Variants in SCYL2 observed in about 807,000 individuals in gnomAD.
SCYL2 encodes SCY1-like protein 2.
A neutral mutation model predicts 100.4 loss-of-function variants in SCYL2; 36 were observed. The ratio of observed to expected loss-of-function variants is 0.36; its 90% CI spans 0.27 to 0.47. SCYL2 has a LOEUF of 0.47. Among genes scored for constraint, SCYL2 ranks in the 20% least tolerant of loss-of-function variants. The pLI is 1.00. For synonymous variants in SCYL2, 330 were observed against 359.2 expected (o/e 0.92, Z 0.92); for missense variants, 902 against 1,083.9 (o/e 0.83, Z 2.36).
intron 9 of SCYL2, among the ~76,000 whole-genome samples, chr12:100,316,884 T>G (rs1314846872): frequency 6.6e-6 from 1 of 152,148 alleles, no homozygotes; most frequent in Non-Finnish European, 1.5e-5. Context: ...GGCAGATTGC[T>G]TGAGCCCAGG....
intron 4 of SCYL2, among the ~76,000 whole-genome samples, chr12:100,308,886 G>C (rs2096338155): frequency 6.6e-6 from 1 of 152,136 alleles, no homozygotes; most frequent in Non-Finnish European, 1.5e-5. Context: ...GTAGCACTGA[G>C]ATCAATATAA....
chr12:100,334,793 CG>C (rs773422348), intron 14 of SCYL2, among the ~76,000 whole-genome samples: 4 of 152,006 alleles, frequency 2.6e-5, no homozygotes, highest in Non-Finnish European at 5.9e-5. Context: ...AGATGGAAAT[CG>C]TTGACTGTTG....
In SCYL2 at chr12:100,321,233, T is replaced by A. The variant is rs113048143; in HGVS notation, c.1396-2292T>A. Among the ~76,000 whole-genome samples, 1,184 of 152,378 alleles carry A rather than the reference T, an allele frequency of 7.8e-3. 16 individuals are homozygous for A. Among genetic ancestry groups the A allele is most frequent in the African/African-American group, 0.027 (1,134 of 41,592 alleles). ...AAATAAAATATATCCAGTGTTCTGA[T>A]AACAGATTCTTAGTAGTTAATTTAT... On this transcript the variant is annotated intron_variant, in intron 10 of 17. Coordinates refer to ENST00000360820, the MANE Select transcript of SCYL2 (RefSeq NM_017988.6).
Position 100,291,587 on chromosome 12 carries a change from C to G in SCYL2, c.262C>G (p.Arg88Gly). 6.3e-7 allele frequency: 1 copy of G among 1,598,698 alleles called. No homozygotes were observed. Among genetic ancestry groups the G allele is most frequent in the Non-Finnish European group, 8.5e-7 (1 of 1,174,960 alleles). Residue 88 changes from arginine (R) to glycine (G), a missense_variant, in exon 3 of 18, where the codon CGA becomes GGA. By Grantham distance (125) the Arg-to-Gly change is moderately radical. Transcript: ENST00000360820. ...EKDQIIDSLK[R>G]GVQQLTRLRH... ...GGATCAAATCATTGATTCTCTAAAA[C>G]GAGGAGTCCAACAGTTAACTCGGCT...
At chr12:100,310,205 G>GCTA in intron 4 of SCYL2, among the ~76,000 whole-genome samples, 1 of 152,252 alleles carries the variant, frequency 6.6e-6, no homozygotes, top group Non-Finnish European at 1.5e-5. Context: ...CCCCATGTTG[G>GCTA]CTAGGCTGGT....
intron 4 of SCYL2, among the ~76,000 whole-genome samples, chr12:100,304,654 T>G (rs1430042658): frequency 1.3e-5 from 2 of 152,082 alleles, no homozygotes; most frequent in Non-Finnish European, 2.9e-5. Flanking sequence ...CATAACAATA[T>G]TAACCTTAAA....
At chr12:100,317,782 T>A (rs1181067449) in intron 9 of SCYL2, 21 bp from the exon 10 acceptor site, 1 of 1,580,192 alleles carries the variant, frequency 6.3e-7, no homozygotes, top group Non-Finnish European at 8.5e-7. Context: ...TTTTAATACA[T>A]TGTTTCCGTT....
rs747299517 is a variant in SCYL2, at chr12:100,339,185, C to G, written c.*13C>G. Reference sequence around the variant, plus strand: ...TCTTTTTGGGTGAGGTGTCTTACTTCTATTTTGAAGGATTATTTCAGTTTC... The same window carrying G: ...TCTTTTTGGGTGAGGTGTCTTACTTGTATTTTGAAGGATTATTTCAGTTTC... On this transcript the variant is annotated 3_prime_UTR_variant, in exon 18 of 18. Transcript: ENST00000360820. The G allele has an allele frequency of 1.9e-6, 3 of 1,602,684 alleles. No individual in the cohort carries two copies. In the African/African-American group the frequency reaches 4.0e-5, roughly 22 times the overall value.
intron 1 of SCYL2, among the ~76,000 whole-genome samples, chr12:100,273,595 GATAGCATCTCAA>G (rs1275641021): frequency 1.3e-5 from 2 of 152,146 alleles, no homozygotes; most frequent in African/African-American, 2.4e-5. Flanking sequence ...CTGGATGATG[GATAGCATCTCAA>G]ATTTGAATAT....
chr12:100,294,972 C>T (rs1276765759), intron 3 of SCYL2, among the ~76,000 whole-genome samples: 3 of 151,674 alleles, frequency 2.0e-5, no homozygotes, highest in Non-Finnish European at 1.5e-5. Flanking sequence ...GGTCTCCTCA[C>T]TTCTCAGACG....
In SCYL2 at chr12:100,334,237, G is replaced by C; in HGVS notation, c.1833G>C (p.Glu611Asp). 1 of 1,600,424 alleles carries C rather than the reference G, an allele frequency of 6.2e-7. No homozygotes were observed. The highest frequency in any genetic ancestry group is 2.2e-5 in the East Asian group (1 of 44,704). ...AGTCTGAACATAAGACTAAACTGGAGCAACTTCATATAATGCAAGAACAGC... is the reference window on the plus strand; with the variant it reads ...AGTCTGAACATAAGACTAAACTGGACCAACTTCATATAATGCAAGAACAGC... The part of the protein sequence containing the change: ...RLESEHKTKL[E>D]QLHIMQEQQK... The change falls in exon 14 of 18, where the codon GAG becomes GAC. Residue 611 changes from glutamate to aspartate, a missense_variant. Physicochemically the swap from Glu to Asp is conservative, Grantham distance 45. Coordinates refer to ENST00000360820, the MANE Select transcript of SCYL2 (RefSeq NM_017988.6).
At chr12:100,270,446 T>G (rs1289567274) in intron 1 of SCYL2, among the ~76,000 whole-genome samples, 1 of 152,034 alleles carries the variant, frequency 6.6e-6, no homozygotes, top group African/African-American at 2.4e-5. Flanking sequence ...TAAAAAAAAA[T>G]TACAATAATT....
intron 1 of SCYL2, among the ~76,000 whole-genome samples, chr12:100,281,018 T>G (rs1004130613): frequency 1.3e-4 from 16 of 124,140 alleles, no homozygotes; most frequent in Admixed American, 1.1e-3. Context: ...TTACCATCAG[T>G]GTTTTTTTTT....
chr12:100,295,937 CTA>C (rs2096319829), intron 3 of SCYL2, among the ~76,000 whole-genome samples: 1 of 152,180 alleles, frequency 6.6e-6, no homozygotes, highest in Non-Finnish European at 1.5e-5. Context: ...TGCCCTGGCT[CTA>C]AGCCCAGCCC....
intron 1 of SCYL2, among the ~76,000 whole-genome samples, chr12:100,273,770 A>G (rs568634871): frequency 3.9e-4 from 59 of 152,148 alleles, no homozygotes; most frequent in Non-Finnish European, 7.5e-4. Flanking sequence ...CCATCTTAAT[A>G]TTTCCATAGC....
intron 3 of SCYL2, among the ~76,000 whole-genome samples, chr12:100,295,142 C>T (rs1473567405): frequency 1.3e-5 from 2 of 151,612 alleles, no homozygotes; most frequent in Non-Finnish European, 2.9e-5. Flanking sequence ...GATGGGATGG[C>T]GGCAGGGAAG....
rs755780268 is a variant in SCYL2, at chr12:100,334,263, A to G, written c.1859A>G (p.Gln620Arg). 2 of 1,537,302 alleles carry G rather than the reference A, an allele frequency of 1.3e-6. No individual in the cohort carries two copies. The change falls in exon 14 of 18, where the codon CAG (glutamine) becomes CGG (arginine). Residue 620 changes from glutamine (Q) to arginine (R), a missense_variant. Coordinates refer to ENST00000360820, the MANE Select transcript of SCYL2 (RefSeq NM_017988.6). The stretch of plus-strand genomic sequence containing the variant: ...CAACTTCATATAATGCAAGAACAGC[A>G]GAAGTAAGTAGGTTGCACATGAATT... ...LEQLHIMQEQ[Q>R]KSLDIGNQMN...
chr12:100,311,433 G>GTT, intron 5 of SCYL2, among the ~76,000 whole-genome samples: 1 of 147,138 alleles, frequency 6.8e-6, no homozygotes. Context: ...ATTAAATAGG[G>GTT]TTTTTTTTTT....
At chr12:100,270,461 G>A (rs1348312440) in intron 1 of SCYL2, among the ~76,000 whole-genome samples, 1 of 151,954 alleles carries the variant, frequency 6.6e-6, no homozygotes, top group Admixed American at 6.6e-5. Context: ...ATAATTTCAA[G>A]AATCTGATTA....
Sources: allele counts gnomAD v4.1 joint callset (sites outside exome capture counted in the v4.1 genomes callset), GRCh38; gene constraint gnomAD v4.1.1; transcripts MANE v1.5; gene names NCBI Gene and HGNC (gene_info 2026-07-23, HGNC 2026-07-21).